Variants in ANKRD31 observed in about 807,000 individuals in gnomAD.
The protein encoded by ANKRD31 is ankyrin repeat domain-containing protein 31.
A neutral mutation model predicts 186.0 loss-of-function variants in ANKRD31; 147 were observed. The ratio of observed to expected loss-of-function variants is 0.79; its 90% confidence interval spans 0.69 to 0.91. The LOEUF is 0.91. ANKRD31 is among the 40% of genes least tolerant of loss of function. The pLI is 0.00. For missense variants in ANKRD31, 1,986 were observed against 2,148.8 expected (o/e 0.92, Z 1.50); for synonymous variants, 673 against 736.4 (o/e 0.91, Z 1.39).
chr5:75,166,060 T>C (rs535953079), intron 11 of ANKRD31, among the ~76,000 whole-genome samples: 4 of 152,314 alleles, frequency 2.6e-5, no homozygotes, highest in African/African-American at 9.6e-5. Context: ...ATGGGTAAAA[T>C]AGTATTATGT....
chr5:75,209,394 T>C (rs1308697266), intron 4 of ANKRD31, among the ~76,000 whole-genome samples: 1 of 152,122 alleles, frequency 6.6e-6, no homozygotes, highest in Non-Finnish European at 1.5e-5. Flanking sequence ...ATAAACATCA[T>C]GGCTGCACAC....
intron 23 of ANKRD31, among the ~76,000 whole-genome samples, chr5:75,085,922 G>T (rs1745450553): frequency 6.6e-6 from 1 of 152,154 alleles, no homozygotes; most frequent in African/African-American, 2.4e-5. Context: ...GATACCCTTT[G>T]GACTCAATCC....
intron 1 of ANKRD31, among the ~76,000 whole-genome samples, chr5:75,235,270 G>T (rs1580612462): frequency 1.7e-5 from 2 of 116,806 alleles, no homozygotes; most frequent in South Asian, 2.8e-4. Context: ...TTTTGAGATA[G>T]AGTCTCACTC....
chr5:75,173,406 TA>T (rs1183407048), intron 10 of ANKRD31, among the ~76,000 whole-genome samples: 1 of 152,008 alleles, frequency 6.6e-6, no homozygotes, highest in Non-Finnish European at 1.5e-5. Context: ...GAGAAAGAAA[TA>T]AAGAGGATTC....
chr5:75,231,216 T>A (rs913071633), intron 1 of ANKRD31, among the ~76,000 whole-genome samples: 6 of 151,894 alleles, frequency 4.0e-5, no homozygotes, highest in African/African-American at 1.5e-4. Flanking sequence ...ACTACAGGTG[T>A]GCACCACCAT....
chr5:75,104,094 G>A, intron 22 of ANKRD31, 134 bp downstream of exon 22: 1 of 658,366 alleles, frequency 1.5e-6, no homozygotes, highest in East Asian at 2.9e-5. Context: ...TACAATGGTT[G>A]TGTCCCTCCA....
At chr5:75,209,857 T>C (rs1214338401) in intron 4 of ANKRD31, among the ~76,000 whole-genome samples, 1 of 152,212 alleles carries the variant, frequency 6.6e-6, no homozygotes, top group Non-Finnish European at 1.5e-5. Flanking sequence ...TTTTTATTTA[T>C]GTAACTGACA....
At chr5:75,188,751 G>C (rs1754906902) in intron 9 of ANKRD31, 103 bp from the exon 10 acceptor site, 3 of 991,756 alleles carry the variant, frequency 3.0e-6, no homozygotes, top group Non-Finnish European at 4.3e-6. Context: ...CACGAACATA[G>C]GTAACAGGAT....
At chr5:75,216,079 A>C (rs1756942264) in intron 3 of ANKRD31, among the ~76,000 whole-genome samples, 1 of 152,172 alleles carries the variant, frequency 6.6e-6, no homozygotes, top group Admixed American at 6.6e-5. Context: ...TATTTTTCCA[A>C]TGAAAGTTTT....
chr5:75,068,308 T>C lies in ANKRD31; in HGVS notation c.*211A>G. ...AGAGAGCCAATCAATATGGTCTAGTTCAAATGTGCCTTTATTTCAATGGCA... is the reference window on the plus strand; with the variant it reads ...AGAGAGCCAATCAATATGGTCTAGTCCAAATGTGCCTTTATTTCAATGGCA... On this transcript the variant is annotated 3_prime_UTR_variant, in exon 26 of 26. Coordinates refer to ENST00000506364, the MANE Select transcript of ANKRD31 (RefSeq NM_001372053.1). 2.3e-6 allele frequency: 1 copy of C among 431,052 alleles called. No individual in the cohort carries two copies. The highest frequency in any genetic ancestry group is 3.9e-6 in the Non-Finnish European group (1 of 257,744). The allele number at this position is 431,052 out of a possible 1,614,324, so 26.7% of individuals were successfully genotyped here.
chr5:75,207,430 G>C (rs1156543292), intron 4 of ANKRD31, among the ~76,000 whole-genome samples: 2 of 152,082 alleles, frequency 1.3e-5, no homozygotes, highest in East Asian at 3.8e-4. Flanking sequence ...TTAAGACATA[G>C]TCTGAAAATA....
chr5:75,169,002 C>A lies in ANKRD31; in HGVS notation c.1684G>T (p.Ala562Ser). The A allele has an allele frequency of 6.5e-7, 1 of 1,536,252 alleles. No individual in the cohort carries two copies. Among genetic ancestry groups the A allele is most frequent in the Non-Finnish European group, 8.7e-7 (1 of 1,146,272 alleles). Residue 562 changes from alanine to serine, a missense_variant, in exon 11 of 26, where the codon GCA (alanine) becomes TCA (serine). Ala to Ser is a moderately conservative substitution (Grantham distance 99). Coordinates refer to ENST00000506364, the MANE Select transcript of ANKRD31 (RefSeq NM_001372053.1). ...ACCTTATAATGTCCATTCATCACTG[C>A]ATCATGTAGGGGAGTAATCTGGTAT... is the stretch of plus-strand genomic sequence containing the variant. ...GLYQITPLHD[A>S]VMNGHYKVAE...
chr5:75,186,617 G>T (rs908261797), intron 10 of ANKRD31, among the ~76,000 whole-genome samples: 4 of 152,214 alleles, frequency 2.6e-5, no homozygotes, highest in African/African-American at 9.6e-5. Context: ...TTTAAAATGT[G>T]ATCTATTTTG....
intron 1 of ANKRD31, among the ~76,000 whole-genome samples, chr5:75,234,542 T>A (rs968414350): frequency 6.6e-6 from 1 of 152,172 alleles, no homozygotes. Flanking sequence ...ACAAACAATA[T>A]AATAGGGTAT....
At chr5:75,074,983 T>C (rs981074799) in intron 25 of ANKRD31, among the ~76,000 whole-genome samples, 8 of 152,242 alleles carry the variant, frequency 5.3e-5, no homozygotes, top group African/African-American at 1.9e-4. Flanking sequence ...TATGTAATAA[T>C]ATTTTTAAAA....
chr5:75,200,297 C>CTT (rs373390533), intron 5 of ANKRD31, among the ~76,000 whole-genome samples: 15,855 of 144,004 alleles, frequency 0.11, 2,249 homozygotes, highest in African/African-American at 0.33. Context: ...TTCTTTCTTT[C>CTT]TTTTTTTTTT....
intron 2 of ANKRD31, among the ~76,000 whole-genome samples, chr5:75,224,704 T>C (rs1196144389): frequency 6.6e-6 from 1 of 152,096 alleles, no homozygotes; most frequent in African/African-American, 2.4e-5. Context: ...AGATTAAAAA[T>C]GTATCTTTAT....
rs961931442 is a variant in ANKRD31, at chr5:75,074,100, G to A, written c.5648-5436C>T. Among the ~76,000 whole-genome samples the A allele has an allele frequency of 1.2e-4, 19 of 152,044 alleles. 1 individual carries two copies. The highest frequency in any genetic ancestry group is 4.3e-4 in the African/African-American group (18 of 41,396). ...TACTTCTCAATTTCCTATAATCATA[G>A]GACTTTAGGAAATTACAAGTGGCTG... On this transcript the variant is annotated intron_variant, in intron 25 of 25. Coordinates refer to ENST00000506364, the MANE Select transcript of ANKRD31 (RefSeq NM_001372053.1).
In ANKRD31 at chr5:75,146,109, T is replaced by C. The variant is rs1751413735; in HGVS notation, c.3302A>G (p.Asn1101Ser). 6.5e-7 allele frequency: 1 copy of C among 1,535,970 alleles called. No individual in the cohort carries two copies. ...GTGTATAGTCTCACTTTCTAGATGG[T>C]TTTGTCTCCTTTTTTCAACTTTAGT... Reference protein sequence around the residue: ...ETTKVEKRRQNHLESETIHNI... With the variant: ...ETTKVEKRRQSHLESETIHNI... Residue 1101 changes from asparagine to serine, a missense_variant, in exon 14 of 26, where the codon AAC becomes AGC. By Grantham distance (46) the Asn-to-Ser change is conservative. Coordinates refer to ENST00000506364, the MANE Select transcript of ANKRD31 (RefSeq NM_001372053.1).
Sources: gnomAD v4.1 joint callset for allele counts (sites outside exome capture counted in the v4.1 genomes callset) on GRCh38, gnomAD v4.1.1 for gene constraint, MANE v1.5 for transcripts, NCBI Gene and HGNC (gene_info 2026-07-23, HGNC 2026-07-21) for gene names.